ZSCAN32: variants seen among roughly 807,000 people sequenced by gnomAD.
The protein encoded by ZSCAN32 is zinc finger and SCAN domain containing 32, also known as zinc finger and SCAN domain-containing protein 32.
Under a neutral mutation model 47.4 loss-of-function variants are expected in ZSCAN32, and 52 were observed. That is an observed-to-expected ratio of 1.10 (90% CI 0.88 to 1.38). The LOEUF is 1.38. Among genes scored for constraint, ZSCAN32 ranks in the 40% most tolerant of loss-of-function variants. ZSCAN32 has a pLI of 0.00. For missense variants in ZSCAN32, 959 were observed against 846.0 expected (o/e 1.13, Z -1.66); for synonymous variants, 346 against 305.7 (o/e 1.13, Z -1.38).
chr16:3,382,907 T>C lies in ZSCAN32; in HGVS notation c.2039A>G (p.Gln680Arg). 6.2e-7 allele frequency: 1 copy of C among 1,608,516 alleles called. No homozygotes were observed. Among genetic ancestry groups the C allele is most frequent in the East Asian group, 2.2e-5 (1 of 44,798 alleles). ...GAGTACTGCTTTCATGTGTACTGTCTGATGACGGGTGAGGGCAGAGTTCTT... is the reference window on the plus strand; with the variant it reads ...GAGTACTGCTTTCATGTGTACTGTCCGATGACGGGTGAGGGCAGAGTTCTT... ...FTKNSALTRH[Q>R]TVHMKAVLSS... Residue 680 changes from glutamine (Q) to arginine (R), a missense_variant, in exon 7 of 7, where the codon CAG becomes CGG. Transcript: ENST00000396852.
chr16:3,391,405 C>T (rs2032678100), intron 3 of ZSCAN32, among the ~76,000 whole-genome samples: 1 of 151,978 alleles, frequency 6.6e-6, no homozygotes. Flanking sequence ...CAGCCGGGCG[C>T]GGTGGCTCAC....
chr16:3,397,487 G>T lies in ZSCAN32; in HGVS notation c.71C>A (p.Ser24Ter). The T allele has an allele frequency of 3.9e-6, 6 of 1,550,638 alleles. No homozygotes were observed. Among genetic ancestry groups the T allele is most frequent in the Non-Finnish European group, 5.2e-6 (6 of 1,147,002 alleles). The change falls in exon 2 of 7, where the codon TCA becomes TAA. Residue 24 changes from serine (S) to a stop codon, truncating the protein, a stop_gained. Coordinates refer to ENST00000396852, the MANE Select transcript of ZSCAN32 (RefSeq NM_001284527.2). LOFTEE classifies it high-confidence loss of function. ...SNKDPTQGQK[S>*]ALQGNSPDSE... ...GTCAGGGCTGTTACCCTGGAGGGCT[G>T]ATTTCTGGCCCTGTGTGGGATCCTT...
At position 3,384,751 on chromosome 16, in the gene ZSCAN32, C is replaced by G. The variant is rs767868920; in HGVS notation, c.942G>C (p.Gln314His). 3.1e-6 allele frequency: 5 copies of G among 1,614,218 alleles called. No individual in the cohort carries two copies. The South Asian group carries it at 4.4e-5, about 14-fold the overall frequency. ...CTCTCCTCACTTTGCGGTAACTCAA[C>G]TGTAGGCTTTTGAACTTGGTGCGAC... ...EQCRTKFKSL[Q>H]LSYRKVRRGR... The change falls in exon 6 of 7, where the codon CAG becomes CAC. Residue 314 changes from glutamine (Q) to histidine (H), a missense_variant. Coordinates refer to ENST00000396852, the MANE Select transcript of ZSCAN32 (RefSeq NM_001284527.2).
chr16:3,390,377 G>T, intron 4 of ZSCAN32, 46 bp downstream of exon 4: 1 of 1,497,516 alleles, frequency 6.7e-7, no homozygotes, highest in Non-Finnish European at 9.0e-7. Flanking sequence ...GGGTTTTGGG[G>T]TGAGAGTGGG....
At chr16:3,393,500 C>T (rs1935219670) in intron 3 of ZSCAN32, 149 bp downstream of exon 3, 4 of 677,428 alleles carry the variant, frequency 5.9e-6, no homozygotes, top group Middle Eastern at 4.6e-4. Context: ...GCTGGGATTA[C>T]AGGCGTGAGC....
intron 5 of ZSCAN32, among the ~76,000 whole-genome samples, chr16:3,385,423 C>T (rs1040544972): frequency 3.9e-5 from 6 of 152,116 alleles, no homozygotes; most frequent in African/African-American, 1.4e-4. Context: ...TGACTTTCTT[C>T]ACAGAATTGG....
Position 3,397,425 on chromosome 16 carries a change from A to G in ZSCAN32, c.133T>C (p.Tyr45His). 6.4e-7 allele frequency: 1 copy of G among 1,551,948 alleles called. No homozygotes were observed. The highest frequency in any genetic ancestry group is 1.2e-5 in the South Asian group (1 of 84,144). ...ASRQRFRQFC[Y>H]QEVTGPHEAF... ...TCATGTGGGCCAGTTACCTCCTGGT[A>G]GCAAAACTGCCTGAAGCGCTGACGG... is the stretch of plus-strand genomic sequence containing the variant. Residue 45 changes from tyrosine to histidine, a missense_variant, in exon 2 of 7, where the codon TAC becomes CAC. Transcript: ENST00000396852.
At chr16:3,385,492 C>A (rs1261904491) in intron 5 of ZSCAN32, among the ~76,000 whole-genome samples, 1 of 152,144 alleles carries the variant, frequency 6.6e-6, no homozygotes, top group Non-Finnish European at 1.5e-5. Context: ...CCAAGTCAAT[C>A]CTAAGCCAAA....
intron 5 of ZSCAN32, among the ~76,000 whole-genome samples, chr16:3,389,029 A>C (rs920043687): frequency 6.6e-6 from 1 of 152,254 alleles, no homozygotes; most frequent in Non-Finnish European, 1.5e-5. Context: ...TAAAAATCAC[A>C]AGTACAAAAA....
At chr16:3,390,859 A>C (rs1175233763) in intron 3 of ZSCAN32, among the ~76,000 whole-genome samples, 1 of 152,194 alleles carries the variant, frequency 6.6e-6, no homozygotes, top group Non-Finnish European at 1.5e-5. Context: ...AGAAAAATAT[A>C]CATGTCAGGG....
chr16:3,388,109 C>T (rs779944179), intron 5 of ZSCAN32, among the ~76,000 whole-genome samples: 2 of 152,162 alleles, frequency 1.3e-5, no homozygotes, highest in Non-Finnish European at 2.9e-5. Flanking sequence ...AAAATGCAAC[C>T]GAATAGTGCA....
rs27241 is a variant in ZSCAN32 at position 3,397,282 on chromosome 16, C to G, written c.276G>C (p.Glu92Asp). The G allele has an allele frequency of 0.27, 424,954 of 1,571,058 alleles. 58,794 individuals are homozygous for G. Among genetic ancestry groups the G allele is most frequent in the African/African-American group, 0.37 (27,423 of 73,766 alleles). ...GCTGCTCCCTCACCCAGGTCTGGAT[C>G]TCCTCTGGCAAGATAGTCAGAAACT... ...LEQFLTILPE[E>D]IQTWVREQHP... is the part of the protein sequence containing the mutation. The change falls in exon 2 of 7, where the codon GAG becomes GAC. Residue 92 changes from glutamate (E) to aspartate (D), a missense_variant. Glu to Asp is a conservative substitution (Grantham distance 45, BLOSUM62 2). Coordinates refer to ENST00000396852, the MANE Select transcript of ZSCAN32 (RefSeq NM_001284527.2).
chr16:3,393,452 C>T (rs747485629), intron 3 of ZSCAN32, among the ~76,000 whole-genome samples, 197 bp downstream of exon 3: 1 of 149,752 alleles, frequency 6.7e-6, no homozygotes, highest in Non-Finnish European at 1.5e-5. Context: ...TCTCGAACTC[C>T]TGACCTCAGG....
At chr16:3,387,681 T>C (rs1242815700) in intron 5 of ZSCAN32, among the ~76,000 whole-genome samples, 1 of 152,238 alleles carries the variant, frequency 6.6e-6, no homozygotes, top group African/African-American at 2.4e-5. Context: ...ATAGCCTATC[T>C]GGTCTTCTTG....
intron 5 of ZSCAN32, among the ~76,000 whole-genome samples, chr16:3,388,726 C>T (rs904872311): frequency 6.6e-6 from 1 of 151,984 alleles, no homozygotes; most frequent in African/African-American, 2.4e-5. Context: ...AATACAAGCC[C>T]TCATTCAATA....
At position 3,387,546 on chromosome 16, in the gene ZSCAN32, A is replaced by G. The variant is rs575548101; in HGVS notation, c.751+2464T>C. Among the ~76,000 whole-genome samples the G allele has an allele frequency of 1.4e-4, 22 of 152,360 alleles. No individual in the cohort carries two copies. In the East Asian group the frequency reaches 4.0e-3, roughly 28 times the overall value. On this transcript the variant is annotated intron_variant, in intron 5 of 6. Transcript: ENST00000396852. ...GGGCCAGTTCATGAGGACCGATTTG[A>G]CTAGAGCTGTCCCAGCAAGTGCATT...
chr16:3,395,281 T>A (rs1308475842), intron 2 of ZSCAN32, among the ~76,000 whole-genome samples: 2 of 152,220 alleles, frequency 1.3e-5, no homozygotes, highest in Non-Finnish European at 2.9e-5. Flanking sequence ...TCTTGCTCTC[T>A]CCTTCACTTT....
intron 6 of ZSCAN32, 51 bp from the exon 7 acceptor site, chr16:3,383,762 C>A: frequency 6.6e-7 from 1 of 1,510,856 alleles, no homozygotes; most frequent in Non-Finnish European, 8.8e-7. Context: ...AGAAGGAAAA[C>A]AATGGAATGC....
chr16:3,388,378 A>G (rs994775836), intron 5 of ZSCAN32, among the ~76,000 whole-genome samples: 1 of 152,086 alleles, frequency 6.6e-6, no homozygotes, highest in African/African-American at 2.4e-5. Context: ...AGTGAGGGCG[A>G]CCCTGAGGAC....
Sources: gnomAD v4.1 joint callset for allele counts (sites outside exome capture counted in the v4.1 genomes callset) on GRCh38, gnomAD v4.1.1 for gene constraint, MANE v1.5 for transcripts, NCBI Gene and HGNC (gene_info 2026-07-23, HGNC 2026-07-21) for gene names.